The following JPH1 variants were observed in gnomAD, a reference collection of about 807,000 sequenced individuals.
JPH1 encodes junctophilin-1.
In JPH1, 12 loss-of-function variants were observed where a neutral mutation model predicts 53.6. The observed-to-expected ratio is 0.22, with a 90% CI of 0.14 to 0.36. JPH1 has a LOEUF of 0.36. Among genes scored for constraint, JPH1 ranks in the 10% least tolerant of loss-of-function variants. JPH1 has a pLI of 1.00. For missense variants in JPH1, 808 were observed against 905.5 expected (o/e 0.89, Z 1.38); for synonymous variants, 375 against 363.8 (o/e 1.03, Z -0.35).
chr8:74,313,774 A>G (rs1185082867), intron 2 of JPH1, among the ~76,000 whole-genome samples: 1 of 152,214 alleles, frequency 6.6e-6, no homozygotes, highest in East Asian at 1.9e-4. Flanking sequence ...TTGAAGCAGA[A>G]ACAGGATTTT....
At chr8:74,294,732 T>C (rs1195443037) in intron 2 of JPH1, among the ~76,000 whole-genome samples, 1 of 152,248 alleles carries the variant, frequency 6.6e-6, no homozygotes, top group Non-Finnish European at 1.5e-5. Context: ...GTACTTGCTT[T>C]ACACAGAGCA....
rs138548579 is a variant in JPH1 at position 74,278,873 on chromosome 8, G to A, written c.1140-19370C>T. Among the ~76,000 whole-genome samples the A allele has an allele frequency of 6.4e-3, 978 of 152,262 alleles. 29 individuals are homozygous for A. Among genetic ancestry groups the A allele is most frequent in the Admixed American group, 0.053 (804 of 15,294 alleles). On this transcript the variant is annotated intron_variant, in intron 2 of 5. Transcript: ENST00000342232. ...GACCACTTAAAAGTCTTGGAGATGT[G>A]GAAGTGGTATTGCCAACATGTTTGT... is the stretch of plus-strand genomic sequence containing the variant.
chr8:74,311,257 A>T (rs967292136), intron 2 of JPH1, among the ~76,000 whole-genome samples: 1 of 152,192 alleles, frequency 6.6e-6, no homozygotes, highest in Non-Finnish European at 1.5e-5. Flanking sequence ...CAAGAGACTT[A>T]GTTTCTAGTT....
At chr8:74,316,358 T>C (rs1291773983) in intron 1 of JPH1, among the ~76,000 whole-genome samples, 1 of 152,202 alleles carries the variant, frequency 6.6e-6, no homozygotes, top group Non-Finnish European at 1.5e-5. Flanking sequence ...TGCCGTATCA[T>C]TTGCCAAATC....
At chr8:74,239,796 C>T (rs540882725) in intron 4 of JPH1, among the ~76,000 whole-genome samples, 1 of 152,238 alleles carries the variant, frequency 6.6e-6, no homozygotes, top group African/African-American at 2.4e-5. Flanking sequence ...CATGTTGGTG[C>T]TCTAAAAGTT....
rs1385975305 is a variant in JPH1, at chr8:74,321,085, T to C, written c.203A>G (p.Lys68Arg). Residue 68 changes from lysine (K) to arginine (R), a missense_variant, in exon 1 of 6, where the codon AAG (lysine) becomes AGG (arginine). By Grantham distance (26) the Lys-to-Arg change is conservative. Transcript: ENST00000342232. This position sits in a 1 kb window ranked among gnomAD's most constrained non-coding sequence, Gnocchi z 4.3. ...NTYQGYWAQG[K>R]RHGLGVETKG... Reference sequence around the variant, plus strand: ...CGTCTCCACCCCCAGCCCGTGCCGCTTGCCCTGCGCCCAGTAGCCCTGGTA... The same window carrying C: ...CGTCTCCACCCCCAGCCCGTGCCGCCTGCCCTGCGCCCAGTAGCCCTGGTA... 1 of 1,613,434 alleles carries C rather than the reference T, an allele frequency of 6.2e-7. No individual in the cohort carries two copies.
chr8:74,283,438 G>A (rs1249313864), intron 2 of JPH1, among the ~76,000 whole-genome samples: 2 of 152,048 alleles, frequency 1.3e-5, no homozygotes, highest in African/African-American at 4.8e-5. Context: ...CACAAGAGAG[G>A]GGCTTGCACT....
intron 2 of JPH1, among the ~76,000 whole-genome samples, chr8:74,308,799 G>C (rs558907304): frequency 6.6e-6 from 1 of 152,228 alleles, no homozygotes; most frequent in African/African-American, 2.4e-5. Flanking sequence ...GGACCCAGCA[G>C]CCTGAGGAGC....
At position 74,315,065 on chromosome 8, in the gene JPH1, T is replaced by C; in HGVS notation, c.935A>G (p.Lys312Arg). The C allele has an allele frequency of 6.2e-7, 1 of 1,614,222 alleles. No individual in the cohort carries two copies. The highest frequency in any genetic ancestry group is 8.5e-7 in the Non-Finnish European group (1 of 1,180,042). ...CACGGTACAGCCATATCCATGCCTC[T>C]TGTTATTTGCCCACTCCCCTTCATA... is the stretch of plus-strand genomic sequence containing the variant. ...MKYEGEWANN[K>R]RHGYGCTVFP... Residue 312 changes from lysine (K) to arginine (R), a missense_variant, in exon 2 of 6, where the codon AAG (lysine) becomes AGG (arginine). Coordinates refer to ENST00000342232, the MANE Select transcript of JPH1 (RefSeq NM_020647.4). This position sits in a 1 kb window ranked among gnomAD's most constrained non-coding sequence, Gnocchi z 6.3.
At chr8:74,305,130 T>C (rs940806803) in intron 2 of JPH1, among the ~76,000 whole-genome samples, 7 of 152,244 alleles carry the variant, frequency 4.6e-5, no homozygotes, top group African/African-American at 1.7e-4. Context: ...AAACACAATG[T>C]TCATATTTCA....
Position 74,315,766 on chromosome 8 carries a change from T to C in JPH1, c.380-146A>G. 1.4e-6 allele frequency: 1 copy of C among 719,574 alleles called. No individual in the cohort carries two copies. The highest frequency in any genetic ancestry group is 2.3e-5 in the South Asian group (1 of 42,810). 44.6% of individuals were successfully genotyped at this position (719,574 alleles called of 1,614,324 possible). A position where few individuals can be genotyped will look rare whatever the true frequency, so the allele number is the denominator to read the frequency against. On this transcript the variant is annotated intron_variant, in intron 1 of 5. Transcript: ENST00000342232. The surrounding 1 kb of genome is among the most constrained non-coding windows in gnomAD (Gnocchi z 6.3). ...CCCTGGGGGATACTTTGCATCCACT[T>C]GTGAATCCCCGCCCTGTAATTTTGG...
At chr8:74,317,007 C>T (rs966859075) in intron 1 of JPH1, among the ~76,000 whole-genome samples, 9 of 152,076 alleles carry the variant, frequency 5.9e-5, no homozygotes, top group African/African-American at 2.2e-4. Context: ...CTGTCTTGAC[C>T]TCTTTCCATT....
chr8:74,309,062 G>T (rs764305926), intron 2 of JPH1, among the ~76,000 whole-genome samples: 23 of 152,208 alleles, frequency 1.5e-4, no homozygotes, highest in African/African-American at 2.9e-4. Context: ...GGGTGCAGAA[G>T]AGACTCCCTC....
At chr8:74,239,918 T>C (rs1184724588) in intron 4 of JPH1, among the ~76,000 whole-genome samples, 1 of 152,210 alleles carries the variant, frequency 6.6e-6, no homozygotes, top group African/African-American at 2.4e-5. Flanking sequence ...TAATGAGGTA[T>C]CCAACACCTA....
chr8:74,289,256 T>C (rs1338495610), intron 2 of JPH1, among the ~76,000 whole-genome samples: 1 of 152,224 alleles, frequency 6.6e-6, no homozygotes, highest in Non-Finnish European at 1.5e-5. Context: ...AAATGGCTAC[T>C]GTGGCTTAAC....
At chr8:74,257,780 A>C (rs1229381892) in intron 3 of JPH1, among the ~76,000 whole-genome samples, 2 of 152,228 alleles carry the variant, frequency 1.3e-5, no homozygotes, top group Non-Finnish European at 2.9e-5. Context: ...CCAGAGGTTT[A>C]AAAGAGATGC....
chr8:74,255,365 C>T (rs1012020568), intron 3 of JPH1, among the ~76,000 whole-genome samples: 1 of 151,960 alleles, frequency 6.6e-6, no homozygotes, highest in African/African-American at 2.4e-5. Flanking sequence ...AAACTGGATC[C>T]CTTCCTTACA....
intron 2 of JPH1, among the ~76,000 whole-genome samples, chr8:74,261,820 C>T (rs1195985529): frequency 2.0e-5 from 3 of 152,202 alleles, no homozygotes; most frequent in Non-Finnish European, 4.4e-5. Flanking sequence ...TATCTATTAG[C>T]CCTTTAATGA....
intron 1 of JPH1, among the ~76,000 whole-genome samples, chr8:74,318,449 T>C (rs1808223305): frequency 6.6e-6 from 1 of 152,176 alleles, no homozygotes; most frequent in South Asian, 2.1e-4. Flanking sequence ...ATATTTTCAA[T>C]AGTTTTATGA....
Sources: gnomAD v4.1 joint callset for allele counts (sites outside exome capture counted in the v4.1 genomes callset) on GRCh38, gnomAD v4.1.1 for gene constraint, Gnocchi (gnomAD v3.1) non-coding constraint, MANE v1.5 for transcripts, NCBI Gene and HGNC (gene_info 2026-07-23, HGNC 2026-07-21) for gene names.